Variants in ENOX2 observed in about 807,000 individuals in gnomAD.
The protein encoded by ENOX2 is APK1 antigen.
A neutral mutation model predicts 45.0 loss-of-function variants in ENOX2; 36 were observed. The observed-to-expected ratio is 0.80, with a 90% CI of 0.61 to 1.06. The LOEUF is 1.06. Among genes scored for constraint, ENOX2 ranks in the 50% least tolerant of loss-of-function variants. The pLI, the probability that ENOX2 is intolerant of heterozygous loss-of-function variation, is 0.00. For missense variants in ENOX2, 423 were observed against 462.5 expected, an observed-to-expected ratio of 0.91 and a Z score of 0.78; for synonymous variants, 174 against 152.3, an observed-to-expected ratio of 1.14 and a Z score of -1.05.
At chrX:130,886,848 A>G (rs2078912661) in intron 2 of ENOX2, among the ~76,000 whole-genome samples, 1 of 112,395 alleles carries the variant, frequency 8.9e-6, no homozygotes, top group Non-Finnish European at 1.9e-5. Context: ...CTAGAGAAAC[A>G]TAACACACTA....
At position 130,773,260 on chromosome X, in the gene ENOX2, G is replaced by A. The variant is rs752814679; in HGVS notation, c.-39+10287C>T. 2.7e-5 allele frequency among the ~76,000 whole-genome samples: 3 copies of A among 112,249 alleles called. No homozygotes were observed. The South Asian group carries it at 1.1e-3, about 41-fold the overall frequency. On this transcript the variant is annotated intron_variant, in intron 3 of 14. Coordinates refer to ENST00000394363, the MANE Select transcript of ENOX2 (RefSeq NM_006375.4). ...TTATTACCTCTATTTTGTAGGTAAAGAAACTAGGCTTCAAGAGCTGCAATA... is the reference window on the plus strand; with the variant it reads ...TTATTACCTCTATTTTGTAGGTAAAAAAACTAGGCTTCAAGAGCTGCAATA...
intron 13 of ENOX2, among the ~76,000 whole-genome samples, chrX:130,629,866 T>G (rs993655377): frequency 8.9e-6 from 1 of 112,032 alleles, no homozygotes; most frequent in African/African-American, 3.2e-5. Context: ...AATCTGCCAC[T>G]GTTCTCCAAA....
At chrX:130,737,111 G>A (rs2038877824) in intron 3 of ENOX2, among the ~76,000 whole-genome samples, 1 of 112,289 alleles carries the variant, frequency 8.9e-6, no homozygotes, top group Non-Finnish European at 1.9e-5. Flanking sequence ...TTATTATAGT[G>A]TATCTACAGA....
intron 3 of ENOX2, among the ~76,000 whole-genome samples, chrX:130,774,927 T>C: frequency 1.8e-5 from 2 of 112,457 alleles, no homozygotes; most frequent in Admixed American, 1.9e-4. Context: ...ATCAAAATCA[T>C]GCTAATCTTA....
At chrX:130,666,913 T>C (rs1603300495) in intron 8 of ENOX2, among the ~76,000 whole-genome samples, 1 of 112,345 alleles carries the variant, frequency 8.9e-6, no homozygotes, top group African/African-American at 3.2e-5. Flanking sequence ...AAAAAATTAC[T>C]TGATAATTTA....
At position 130,637,132 on chromosome X, in the gene ENOX2, A is replaced by C. The variant is rs747859185; in HGVS notation, c.1311+97T>G. 4.9e-5 allele frequency: 33 copies of C among 669,924 alleles called. No individual in the cohort carries two copies. The South Asian group carries it at 7.4e-4, about 15-fold the overall frequency. The allele number at this position is 669,924 out of a possible 1,213,427, so 55.2% of individuals were successfully genotyped here. ...AGATAATATTACATCAAGAAGAATA[A>C]TAGGTTTGATATTCAATTTGATTGC... On this transcript the variant is annotated intron_variant, in intron 11 of 14. Coordinates refer to ENST00000394363, the MANE Select transcript of ENOX2 (RefSeq NM_006375.4).
At chrX:130,813,433 A>G (rs984182067) in intron 2 of ENOX2, among the ~76,000 whole-genome samples, 1 of 112,337 alleles carries the variant, frequency 8.9e-6, no homozygotes, top group Non-Finnish European at 1.9e-5. Context: ...CATCACTATA[A>G]GAAAATGAAG....
intron 2 of ENOX2, among the ~76,000 whole-genome samples, chrX:130,884,573 A>C (rs191845008): frequency 9.8e-5 from 11 of 112,097 alleles, no homozygotes; most frequent in African/African-American, 2.9e-4. Flanking sequence ...TGAGCCATTC[A>C]AGTAGTTGGG....
chrX:130,725,749 G>C (rs917240097), intron 3 of ENOX2, among the ~76,000 whole-genome samples: 2 of 111,426 alleles, frequency 1.8e-5, no homozygotes, highest in Non-Finnish European at 3.8e-5. Flanking sequence ...AGCTGGATAG[G>C]ACATATGGGA....
rs2035685010 is a variant in ENOX2, at chrX:130,630,953, G to A, written c.1528+515C>T. Among the ~76,000 whole-genome samples the A allele has an allele frequency of 3.6e-5, 3 of 84,437 alleles. No homozygotes were observed. The Admixed American group carries it at 4.5e-4, about 13-fold the overall frequency. 73.3% of individuals were successfully genotyped at this position (84,437 alleles called of 115,157 possible). ...TTGGAAAAGACACCACGTATCTGGT[G>A]TCTGGAGGTTAAAACAAACAAACAA... On this transcript the variant is annotated intron_variant, in intron 13 of 14. Coordinates refer to ENST00000394363, the MANE Select transcript of ENOX2 (RefSeq NM_006375.4).
intron 3 of ENOX2, among the ~76,000 whole-genome samples, chrX:130,753,033 G>A (rs1391622141): frequency 9.0e-6 from 1 of 110,945 alleles, no homozygotes; most frequent in Non-Finnish European, 1.9e-5. Flanking sequence ...CCACTTCTCT[G>A]TCTATCTCTC....
chrX:130,684,547 C>T (rs1325158552), intron 5 of ENOX2, among the ~76,000 whole-genome samples: 1 of 111,632 alleles, frequency 9.0e-6, no homozygotes, highest in African/African-American at 3.3e-5. Flanking sequence ...TTACCTCATA[C>T]TCTCTTGCTT....
At chrX:130,827,077 AC>A (rs1415733088) in intron 2 of ENOX2, among the ~76,000 whole-genome samples, 1 of 112,372 alleles carries the variant, frequency 8.9e-6, no homozygotes, top group African/African-American at 3.2e-5. Flanking sequence ...GTTCTAAAAA[AC>A]ATTCAAGATT....
At chrX:130,816,747 T>C (rs190921494) in intron 2 of ENOX2, among the ~76,000 whole-genome samples, 168 of 111,891 alleles carry the variant, frequency 1.5e-3, no homozygotes, top group Middle Eastern at 4.6e-3. Flanking sequence ...CTAGAATCTC[T>C]GGGACACAGC....
chrX:130,667,167 A>G (rs1164898048), intron 8 of ENOX2, among the ~76,000 whole-genome samples: 1 of 112,319 alleles, frequency 8.9e-6, no homozygotes, highest in African/African-American at 3.2e-5. Flanking sequence ...ACATGATGAT[A>G]ATTATACAAA....
At chrX:130,679,785 G>A (rs1332309759) in intron 5 of ENOX2, 37 bp from the exon 6 acceptor site, 1 of 1,062,627 alleles carries the variant, frequency 9.4e-7, no homozygotes, top group African/African-American at 1.8e-5. Flanking sequence ...AAATTAAAAT[G>A]TTTGCTTGGG....
intron 2 of ENOX2, among the ~76,000 whole-genome samples, chrX:130,857,470 AG>A (rs1219299405): frequency 7.1e-5 from 8 of 112,504 alleles, no homozygotes; most frequent in African/African-American, 2.6e-4. Flanking sequence ...AAGGGTTCTA[AG>A]GGCTGTGAGG....
intron 3 of ENOX2, among the ~76,000 whole-genome samples, chrX:130,773,319 C>A (rs970803297): frequency 8.9e-6 from 1 of 111,898 alleles, no homozygotes; most frequent in Non-Finnish European, 1.9e-5. Context: ...ATTCTGAACA[C>A]GTGCTCTTAA....
intron 2 of ENOX2, among the ~76,000 whole-genome samples, chrX:130,897,687 A>C (rs1297891449): frequency 1.8e-5 from 2 of 112,163 alleles, no homozygotes; most frequent in Non-Finnish European, 3.8e-5. Context: ...GACCCCCCAA[A>C]AAAGTAAATC....
Sources: allele counts gnomAD v4.1 joint callset (sites outside exome capture counted in the v4.1 genomes callset), GRCh38; gene constraint gnomAD v4.1.1; transcripts MANE v1.5; gene names NCBI Gene and HGNC (gene_info 2026-07-23, HGNC 2026-07-21).